AR: variants seen among roughly 807,000 people sequenced by gnomAD.
AR encodes the protein dihydrotestosterone receptor.
A neutral mutation model predicts 53.9 loss-of-function variants in AR; 8 were observed. The observed-to-expected ratio is 0.15, with a 90% CI of 0.09 to 0.27. The LOEUF is 0.27. Ranked by LOEUF, AR falls within the 10% of genes least tolerant of loss-of-function variation. The probability of loss-of-function intolerance (pLI) is 1.00; values close to 1 mark genes in which losing one functional copy is unlikely to be tolerated. For missense variants in AR, 639 were observed against 742.5 expected, an observed-to-expected ratio of 0.86 and a Z score of 1.62; for synonymous variants, 359 against 316.4, an observed-to-expected ratio of 1.13 and a Z score of -1.43.
At chrX:67,716,189 A>G (rs1354662719) in intron 4 of AR, among the ~76,000 whole-genome samples, 1 of 112,402 alleles carries the variant, frequency 8.9e-6, no homozygotes. Flanking sequence ...AAATAAGAAG[A>G]TATGGTCCCT....
At chrX:67,579,794 C>T (rs1283166757) in intron 1 of AR, among the ~76,000 whole-genome samples, 1 of 111,767 alleles carries the variant, frequency 8.9e-6, no homozygotes, top group African/African-American at 3.2e-5. Context: ...AGCAAACTGC[C>T]TTTCTTTTTG....
intron 3 of AR, among the ~76,000 whole-genome samples, chrX:67,688,723 T>G (rs2075980206): frequency 8.9e-6 from 1 of 111,846 alleles, no homozygotes; most frequent in Non-Finnish European, 1.9e-5. Flanking sequence ...CTTAAATCAC[T>G]GCTTGAAGAG....
chrX:67,678,762 T>C (rs1051427817), intron 2 of AR, among the ~76,000 whole-genome samples: 1 of 111,500 alleles, frequency 9.0e-6, no homozygotes, highest in Admixed American at 9.6e-5. Flanking sequence ...CTTTATCCAC[T>C]TATCCATCCA....
At position 67,721,833 on chromosome X, in the gene AR, G is replaced by A. The variant is rs775029993; in HGVS notation, c.2319G>A (p.Glu773=). ...TTTCCTCTGTGTATCTCCTTCCCAG[G>A]TACCGCATGCACAAGTCCCGGATGT... The part of the protein sequence containing the change: ...LYFAPDLVFN[E]YRMHKSRMYS... The change falls in exon 6 of 8, where the codon GAG becomes GAA. Residue 773 remains glutamate (E), a splice_region_variant and synonymous_variant. Coordinates refer to ENST00000374690, the MANE Select transcript of AR (RefSeq NM_000044.6). 1 of 1,210,503 alleles carries A rather than the reference G, an allele frequency of 8.3e-7. No individual in the cohort carries two copies. The highest frequency in any genetic ancestry group is 1.1e-6 in the Non-Finnish European group (1 of 895,110).
intron 1 of AR, among the ~76,000 whole-genome samples, chrX:67,626,981 T>C (rs1924698800): frequency 9.5e-6 from 1 of 105,639 alleles, no homozygotes; most frequent in East Asian, 3.0e-4. Context: ...TATGGCTGCA[T>C]AGTATTCCAT....
intron 1 of AR, among the ~76,000 whole-genome samples, chrX:67,630,443 A>G (rs934973964): frequency 9.0e-6 from 1 of 111,035 alleles, no homozygotes; most frequent in African/African-American, 3.3e-5. Flanking sequence ...CTGTTTTATC[A>G]GAGACTAGAA....
At chrX:67,683,115 T>C (rs1167453825) in intron 2 of AR, among the ~76,000 whole-genome samples, 1 of 112,016 alleles carries the variant, frequency 8.9e-6, no homozygotes, top group East Asian at 2.8e-4. Flanking sequence ...TCAGTCACAC[T>C]CAAACACCTA....
At chrX:67,714,089 T>C (rs1289622026) in intron 4 of AR, among the ~76,000 whole-genome samples, 1 of 111,938 alleles carries the variant, frequency 8.9e-6, no homozygotes, top group Non-Finnish European at 1.9e-5. Context: ...CCTAGTAGAG[T>C]ACCTGGCACA....
intron 2 of AR, among the ~76,000 whole-genome samples, chrX:67,662,619 G>T (rs1280640526): frequency 9.0e-6 from 1 of 110,986 alleles, no homozygotes; most frequent in Admixed American, 9.6e-5. Flanking sequence ...CAACTATGTG[G>T]TCAATTTTGG....
chrX:67,711,381 G>A, intron 3 of AR, 21 bp from the exon 4 acceptor site: 1 of 1,176,951 alleles, frequency 8.5e-7, no homozygotes, highest in Non-Finnish European at 1.1e-6. Flanking sequence ...ATAAATTCAA[G>A]TCTCTCTTCC....
At chrX:67,551,001 G>GTTTTTTTT (rs1213943835) in intron 1 of AR, among the ~76,000 whole-genome samples, 11 of 76,634 alleles carry the variant, frequency 1.4e-4, no homozygotes, top group African/African-American at 6.1e-4. Context: ...GAATAGCTGG[G>GTTTTTTTT]TTTTTTTTTT....
chrX:67,696,696 A>C (rs781351551), intron 3 of AR, among the ~76,000 whole-genome samples: 1 of 111,114 alleles, frequency 9.0e-6, no homozygotes, highest in South Asian at 3.8e-4. Context: ...TGCACTTATT[A>C]ATCCCATTTG....
intron 2 of AR, among the ~76,000 whole-genome samples, chrX:67,670,938 T>C (rs939205052): frequency 1.8e-5 from 2 of 111,901 alleles, no homozygotes; most frequent in South Asian, 3.7e-4. Flanking sequence ...GAACTCATCC[T>C]TTTTGATGGC....
At chrX:67,664,803 G>A (rs752394843) in intron 2 of AR, among the ~76,000 whole-genome samples, 1 of 112,455 alleles carries the variant, frequency 8.9e-6, no homozygotes, top group African/African-American at 3.2e-5. Flanking sequence ...ACCTACTCAA[G>A]CTTCAGCAAT....
intron 1 of AR, among the ~76,000 whole-genome samples, chrX:67,638,355 G>T (rs1428675792): frequency 9.0e-6 from 1 of 111,449 alleles, no homozygotes; most frequent in Non-Finnish European, 1.9e-5. Flanking sequence ...AGAAATGCTT[G>T]GTCAAATGGT....
In AR at chrX:67,663,690, A is replaced by G. The variant is rs143371623; in HGVS notation, c.1768+20283A>G. Among the ~76,000 whole-genome samples the G allele has an allele frequency of 2.9e-3, 322 of 112,159 alleles. 1 individual carries two copies. The highest frequency in any genetic ancestry group is 9.9e-3 in the African/African-American group (305 of 30,836). On this transcript the variant is annotated intron_variant, in intron 2 of 7. Transcript: ENST00000374690. ...TTGGCCTGCCTTGCTAGATTGGGGA[A>G]GTTGTCCTGGATAATATCCTACAGA...
intron 1 of AR, among the ~76,000 whole-genome samples, chrX:67,595,591 G>A (rs193059932): frequency 1.3e-3 from 138 of 106,207 alleles, no homozygotes; most frequent in African/African-American, 4.5e-3. Context: ...ACTTCCTTAG[G>A]TCATTAAGAT....
intron 1 of AR, among the ~76,000 whole-genome samples, chrX:67,631,714 C>T (rs1259355247): frequency 1.8e-5 from 2 of 112,567 alleles, no homozygotes; most frequent in African/African-American, 6.5e-5. Flanking sequence ...AGGAGAGGCG[C>T]TCTGCTTTTT....
chrX:67,567,934 T>G (rs1334374556), intron 1 of AR, among the ~76,000 whole-genome samples: 1 of 111,463 alleles, frequency 9.0e-6, no homozygotes, highest in Non-Finnish European at 1.9e-5. Flanking sequence ...AGGGGTGGGT[T>G]TTCCCTTGTA....
Sources: allele counts gnomAD v4.1 joint callset (sites outside exome capture counted in the v4.1 genomes callset), GRCh38; gene constraint gnomAD v4.1.1; transcripts MANE v1.5; gene names NCBI Gene and HGNC (gene_info 2026-07-23, HGNC 2026-07-21).